Variants in PEBP4 observed in about 807,000 individuals in gnomAD.
PEBP4 encodes the protein phosphatidylethanolamine binding protein 4.
Under a neutral mutation model 23.9 loss-of-function variants are expected in PEBP4, and 22 were observed. The ratio of observed to expected loss-of-function variants is 0.92; its 90% CI spans 0.66 to 1.31. PEBP4 has a LOEUF of 1.31. Among genes scored for constraint, PEBP4 ranks in the 40% most tolerant of loss-of-function variants. PEBP4 has a pLI of 0.00. For missense variants in PEBP4, 324 were observed against 281.7 expected (o/e 1.15, Z -1.07); for synonymous variants, 112 against 99.3 (o/e 1.13, Z -0.76).
chr8:22,841,904 G>T (rs1807337569), intron 3 of PEBP4, among the ~76,000 whole-genome samples: 1 of 152,254 alleles, frequency 6.6e-6, no homozygotes. Context: ...TAGGAGTGCT[G>T]TCTTTGGTTT....
intron 3 of PEBP4, chr8:22,878,210 T>TGGAGAGGGAGGGGGAGAGGGAGGG (rs572036358): frequency 4.4e-4 from 51 of 115,784 alleles, no homozygotes; most frequent in East Asian, 1.2e-3. Flanking sequence ...AGGGTGAGCA[T>TGGAGAGGGAGGGGGAGAGGGAGGG]GGAGAGGGAG....
chr8:22,737,511 C>T (rs1804892367), intron 4 of PEBP4, among the ~76,000 whole-genome samples: 2 of 152,052 alleles, frequency 1.3e-5, no homozygotes, highest in Non-Finnish European at 2.9e-5. Flanking sequence ...CAGGAAATTC[C>T]CCGCTAAGGT....
In PEBP4 at chr8:22,817,870, T is replaced by G. The variant is rs1174511499; in HGVS notation, c.259-135A>C. The G allele has an allele frequency of 2.2e-5, 16 of 735,518 alleles. No homozygotes were observed. The African/African-American group carries it at 2.4e-4, about 11-fold the overall frequency. 45.6% of individuals were successfully genotyped at this position (735,518 alleles called of 1,614,324 possible). ...CTATGGCGTCCCATCCAGTTTATCC[T>G]TGCTCTCGTGACATCCCTCTCACAT... is the stretch of plus-strand genomic sequence containing the variant. On this transcript the variant is annotated intron_variant, in intron 3 of 6. Coordinates refer to ENST00000256404, the MANE Select transcript of PEBP4 (RefSeq NM_144962.3).
At chr8:22,905,454 T>C (rs185997390) in intron 3 of PEBP4, among the ~76,000 whole-genome samples, 1 of 152,364 alleles carries the variant, frequency 6.6e-6, no homozygotes, top group East Asian at 1.9e-4. Context: ...GTTGTTGTAA[T>C]TCACATCCCT....
chr8:22,920,021 C>G (rs1809166031), intron 3 of PEBP4, among the ~76,000 whole-genome samples, 163 bp downstream of exon 3: 1 of 152,122 alleles, frequency 6.6e-6, no homozygotes, highest in Non-Finnish European at 1.5e-5. Flanking sequence ...CTCCTCAAGT[C>G]CACTCTAAGG....
At chr8:22,882,614 G>T (rs1046281672) in intron 3 of PEBP4, among the ~76,000 whole-genome samples, 1 of 152,210 alleles carries the variant, frequency 6.6e-6, no homozygotes. Flanking sequence ...TGTATTAATC[G>T]TGTCTTTTTA....
In PEBP4 at chr8:22,790,200, C is replaced by T. The variant is rs567266666; in HGVS notation, c.357+27437G>A. On this transcript the variant is annotated intron_variant, in intron 4 of 6. Coordinates refer to ENST00000256404, the MANE Select transcript of PEBP4 (RefSeq NM_144962.3). Reference sequence around the variant, plus strand: ...TGCATGGGCTGTTTGATGATTCTTTCCTTCCTTCCTTCCTTCATTCACTCA... The same window carrying T: ...TGCATGGGCTGTTTGATGATTCTTTTCTTCCTTCCTTCCTTCATTCACTCA... 1.4e-3 allele frequency among the ~76,000 whole-genome samples: 207 copies of T among 152,304 alleles called. 10 individuals carry two copies. The South Asian group carries it at 0.041, about 30-fold the overall frequency.
At chr8:22,773,561 C>T (rs1274444346) in intron 4 of PEBP4, among the ~76,000 whole-genome samples, 1 of 152,138 alleles carries the variant, frequency 6.6e-6, no homozygotes, top group Admixed American at 6.5e-5. Flanking sequence ...GGCTGGCCTA[C>T]CCCTCTCCCT....
At chr8:22,842,349 C>G (rs1270828670) in intron 3 of PEBP4, among the ~76,000 whole-genome samples, 1 of 152,150 alleles carries the variant, frequency 6.6e-6, no homozygotes, top group South Asian at 2.1e-4. Context: ...TATTAAAAGT[C>G]TGGGTATGGT....
chr8:22,867,066 A>C (rs1807919332), intron 3 of PEBP4, among the ~76,000 whole-genome samples: 1 of 152,036 alleles, frequency 6.6e-6, no homozygotes, highest in Non-Finnish European at 1.5e-5. Context: ...ATGAGGCCTC[A>C]AATCACATTT....
intron 4 of PEBP4, among the ~76,000 whole-genome samples, chr8:22,799,767 T>C (rs553868925): frequency 5.9e-5 from 9 of 152,146 alleles, no homozygotes; most frequent in South Asian, 2.1e-4. Context: ...AGTGTTCTCA[T>C]TGTTCAATTC....
intron 4 of PEBP4, among the ~76,000 whole-genome samples, chr8:22,736,598 C>T (rs1389886949): frequency 2.6e-5 from 4 of 151,982 alleles, no homozygotes; most frequent in Admixed American, 6.5e-5. Context: ...CAGAGTGACT[C>T]GGTCTCAAAA....
intron 3 of PEBP4, among the ~76,000 whole-genome samples, chr8:22,834,848 T>A (rs1807166943): frequency 1.3e-5 from 2 of 152,276 alleles, no homozygotes; most frequent in South Asian, 4.2e-4. Flanking sequence ...GCCTGTGTTC[T>A]AAAGATGATA....
chr8:22,911,669 G>A (rs925221897), intron 3 of PEBP4, among the ~76,000 whole-genome samples: 3 of 152,144 alleles, frequency 2.0e-5, no homozygotes. Flanking sequence ...ACAAAGGCCG[G>A]CAGCTATTTT....
chr8:22,833,889 T>C (rs1354049898), intron 3 of PEBP4, among the ~76,000 whole-genome samples: 1 of 152,194 alleles, frequency 6.6e-6, no homozygotes, highest in African/African-American at 2.4e-5. Flanking sequence ...GGTGATCTAA[T>C]GTAGAGTTAG....
intron 3 of PEBP4, among the ~76,000 whole-genome samples, chr8:22,866,203 T>G (rs1481651426): frequency 6.6e-6 from 1 of 152,240 alleles, no homozygotes; most frequent in Non-Finnish European, 1.5e-5. Flanking sequence ...TAAGAAAACT[T>G]AATTATCAGC....
At position 22,773,856 on chromosome 8, in the gene PEBP4, T is replaced by C. The variant is rs568003137; in HGVS notation, c.357+43781A>G. ...CCTCCACCCTTTTCCATCTTGTTCC[T>C]CTACCAGGGACCTTCCCTGTTCTGA... On this transcript the variant is annotated intron_variant, in intron 4 of 6. Transcript: ENST00000256404. Among the ~76,000 whole-genome samples, 4 of 152,288 alleles carry C rather than the reference T, an allele frequency of 2.6e-5. No individual in the cohort carries two copies. The South Asian group carries it at 8.3e-4, about 32-fold the overall frequency.
At chr8:22,810,593 C>A (rs1806598015) in intron 4 of PEBP4, among the ~76,000 whole-genome samples, 1 of 151,754 alleles carries the variant, frequency 6.6e-6, no homozygotes, top group Non-Finnish European at 1.5e-5. Flanking sequence ...CAGGAGCCAC[C>A]AGCTGCCCCC....
At chr8:22,745,540 A>G (rs1805094150) in intron 4 of PEBP4, 1 of 152,112 alleles carries the variant, frequency 6.6e-6, no homozygotes, top group Admixed American at 6.5e-5. Flanking sequence ...CAAGTGTACT[A>G]CTCTGATTCT....
Sources: gnomAD v4.1 joint callset for allele counts (sites outside exome capture counted in the v4.1 genomes callset) on GRCh38, gnomAD v4.1.1 for gene constraint, MANE v1.5 for transcripts, NCBI Gene and HGNC (gene_info 2026-07-23, HGNC 2026-07-21) for gene names.